The following CPED1 variants were observed in gnomAD, a reference collection of about 807,000 sequenced individuals.
CPED1 encodes cadherin-like and PC-esterase domain-containing protein 1.
A neutral mutation model predicts 128.2 loss-of-function variants in CPED1; 114 were observed. The ratio of observed to expected loss-of-function variants is 0.89; its 90% CI spans 0.76 to 1.04. The LOEUF is 1.04. Ranked by LOEUF, CPED1 falls within the 50% of genes least tolerant of loss-of-function variation. The pLI is 0.00. For synonymous variants in CPED1, 462 were observed against 426.7 expected (o/e 1.08, Z -1.02); for missense variants, 1,211 against 1,207.1 (o/e 1.00, Z -0.05).
intron 7 of CPED1, among the ~76,000 whole-genome samples, chr7:121,122,531 A>G (rs1382534738): frequency 1.3e-5 from 2 of 152,202 alleles, no homozygotes; most frequent in Non-Finnish European, 2.9e-5. Context: ...ACATTCTGTC[A>G]TTTAATCTCA....
At chr7:121,126,195 T>C (rs1264987353) in intron 9 of CPED1, among the ~76,000 whole-genome samples, 3 of 152,116 alleles carry the variant, frequency 2.0e-5, no homozygotes, top group Non-Finnish European at 4.4e-5. Flanking sequence ...GATGTGTAGA[T>C]AATAGAAAGT....
chr7:121,228,259 T>C (rs945317147), intron 16 of CPED1, among the ~76,000 whole-genome samples: 2 of 151,888 alleles, frequency 1.3e-5, no homozygotes, highest in Non-Finnish European at 2.9e-5. Flanking sequence ...GGGACTAATA[T>C]CTAGAATACA....
chr7:121,184,597 A>G (rs1796963638), intron 16 of CPED1, among the ~76,000 whole-genome samples: 1 of 152,130 alleles, frequency 6.6e-6, no homozygotes, highest in Non-Finnish European at 1.5e-5. Flanking sequence ...AACTTTAACA[A>G]TATTAAAGAT....
At chr7:120,995,051 A>G (rs900302852) in intron 2 of CPED1, among the ~76,000 whole-genome samples, 2 of 152,192 alleles carry the variant, frequency 1.3e-5, no homozygotes, top group African/African-American at 4.8e-5. Context: ...TCCTCCTGCC[A>G]GCGAACATGT....
intron 7 of CPED1, among the ~76,000 whole-genome samples, chr7:121,102,162 T>C (rs1794865884): frequency 6.6e-6 from 1 of 152,200 alleles, no homozygotes. Context: ...TTTTCACATT[T>C]TATTTTGCTA....
chr7:121,009,641 G>T (rs1361651842), intron 2 of CPED1, among the ~76,000 whole-genome samples: 1 of 149,862 alleles, frequency 6.7e-6, no homozygotes, highest in Non-Finnish European at 1.5e-5. Context: ...CACATTAGGT[G>T]AAAAGACTAA....
chr7:121,001,259 T>C (rs1223576007), intron 2 of CPED1, among the ~76,000 whole-genome samples: 1 of 152,196 alleles, frequency 6.6e-6, no homozygotes, highest in Non-Finnish European at 1.5e-5. Flanking sequence ...AGAAAGTCAC[T>C]TTGACTGCCA....
rs368502123 is a variant in CPED1, at chr7:121,063,381, G to GAAAAAAAAAAA, written c.541-846_541-836dup. Among the ~76,000 whole-genome samples, 112 of 67,008 alleles carry GAAAAAAAAAAA rather than the reference G, an allele frequency of 1.7e-3. 1 individual carries two copies. Among genetic ancestry groups the GAAAAAAAAAAA allele is most frequent in the African/African-American group, 2.2e-3 (37 of 16,458 alleles). The allele number at this position is 67,008 out of a possible 152,430, so 44.0% of individuals were successfully genotyped here. On this transcript the variant is annotated intron_variant, in intron 4 of 22. Transcript: ENST00000310396. ...GCTTTATTTTGCAAATGAAGAAACT[G>GAAAAAAAAAAA]AAAAAAAAAAAAAAAAAAAAAGCAA...
At chr7:121,141,075 A>C (rs1196986885) in intron 15 of CPED1, 62 bp downstream of exon 15, 1 of 1,362,538 alleles carries the variant, frequency 7.3e-7, no homozygotes, top group Non-Finnish European at 9.8e-7. Flanking sequence ...ATTTGATGCA[A>C]ACTTTGAAAG....
chr7:121,112,925 T>C (rs902635275), intron 7 of CPED1, among the ~76,000 whole-genome samples: 1 of 152,126 alleles, frequency 6.6e-6, no homozygotes, highest in South Asian at 2.1e-4. Context: ...TAGGGAAATA[T>C]TTAAATTGGG....
intron 2 of CPED1, among the ~76,000 whole-genome samples, chr7:121,007,709 T>G (rs1792057943): frequency 6.6e-6 from 1 of 152,200 alleles, no homozygotes; most frequent in South Asian, 2.1e-4. Context: ...TTCCTGAAAT[T>G]TTCTCTCCAA....
Position 121,097,821 on chromosome 7 carries a change from C to A in CPED1, c.739C>A (p.Arg247Ser). The change falls in exon 6 of 23, where the codon CGT becomes AGT. Residue 247 changes from arginine (R) to serine (S), a missense_variant. Transcript: ENST00000310396. ...PRVWKPGDWS[R>S]EQLNETTVLA... ...TGTGTGGAAACCAGGGGACTGGAGT[C>A]GTGAACAGCTGTAAGCTAATCATTT... 1 of 1,613,634 alleles carries A rather than the reference C, an allele frequency of 6.2e-7. No homozygotes were observed. The highest frequency in any genetic ancestry group is 8.5e-7 in the Non-Finnish European group (1 of 1,179,702).
chr7:121,041,599 T>C (rs571650280), intron 3 of CPED1, among the ~76,000 whole-genome samples: 142 of 152,258 alleles, frequency 9.3e-4, no homozygotes, highest in African/African-American at 3.4e-3. Context: ...GCAGATGTTA[T>C]CAGCGAAGGA....
chr7:121,189,798 A>ATATATATATATATATATATATAT (rs869279165), intron 16 of CPED1, among the ~76,000 whole-genome samples: 4 of 50,454 alleles, frequency 7.9e-5, no homozygotes, highest in Non-Finnish European at 1.6e-4. Flanking sequence ...ATATATATAT[A>ATATATATATATATATATATATAT]AAATTTGTAT....
intron 7 of CPED1, among the ~76,000 whole-genome samples, chr7:121,107,491 C>T (rs565509354): frequency 5.3e-4 from 80 of 151,994 alleles, no homozygotes; most frequent in African/African-American, 1.7e-3. Flanking sequence ...AATATTCAGC[C>T]GATTCAGGGA....
Position 121,275,822 on chromosome 7 carries a change from A to AAAAG in CPED1, c.2868+4394_2868+4397dup, listed in dbSNP as rs557202409. 1.6e-3 allele frequency among the ~76,000 whole-genome samples: 246 copies of AAAAG among 152,012 alleles called. 1 individual carries two copies. Among genetic ancestry groups the AAAAG allele is most frequent in the African/African-American group, 5.7e-3 (238 of 41,528 alleles). On this transcript the variant is annotated intron_variant, in intron 22 of 22. Coordinates refer to ENST00000310396, the MANE Select transcript of CPED1 (RefSeq NM_024913.5). ...CTTTATTATATAATCTTAATTAAAT[A>AAAAG]AAAGATTATTTGGCCTAGAAATAAA...
chr7:121,266,684 T>G (rs1312764678), intron 19 of CPED1, 23 bp from the exon 20 acceptor site: 2 of 1,569,898 alleles, frequency 1.3e-6, no homozygotes, highest in South Asian at 2.2e-5. Context: ...GCAACATGTG[T>G]TGTTTTTCTT....
At chr7:121,047,715 CTTTTTTTT>C (rs530980600) in intron 4 of CPED1, among the ~76,000 whole-genome samples, 1 of 76,064 alleles carries the variant, frequency 1.3e-5, no homozygotes, top group African/African-American at 5.8e-5. Flanking sequence ...TCTTCTTCTT[CTTTTTTTT>C]TTTTTGAGAC....
chr7:121,142,290 G>T, intron 16 of CPED1, 149 bp downstream of exon 16: 1 of 686,040 alleles, frequency 1.5e-6, no homozygotes, highest in Non-Finnish European at 2.4e-6. Flanking sequence ...ATCCCAGCCA[G>T]GTATCTAAGT....
Sources: gnomAD v4.1 joint callset for allele counts (sites outside exome capture counted in the v4.1 genomes callset) on GRCh38, gnomAD v4.1.1 for gene constraint, MANE v1.5 for transcripts, NCBI Gene and HGNC (gene_info 2026-07-23, HGNC 2026-07-21) for gene names.